STEAP1B: variants seen among roughly 807,000 people sequenced by gnomAD.
STEAP1B encodes STEAP family member 1B.
A neutral mutation model predicts 27.9 loss-of-function variants in STEAP1B; 13 were observed. The ratio of observed to expected loss-of-function variants is 0.47; its 90% CI spans 0.30 to 0.74. The LOEUF (loss-of-function observed/expected upper bound fraction) is 0.74. STEAP1B is among the 30% of genes least tolerant of loss of function. The probability of loss-of-function intolerance (pLI) is 0.06; values close to 1 mark genes in which losing one functional copy is unlikely to be tolerated. For missense variants in STEAP1B, 250 were observed against 298.7 expected (o/e 0.84, Z 1.20); for synonymous variants, 86 against 107.1 (o/e 0.80, Z 1.22).
chr7:22,445,591 G>A (rs150419896), intron 4 of STEAP1B, among the ~76,000 whole-genome samples: 2 of 152,250 alleles, frequency 1.3e-5, no homozygotes, highest in Non-Finnish European at 2.9e-5. Flanking sequence ...GGGTACATCC[G>A]AGCCTGGGCC....
chr7:22,486,228 G>A (rs550207189), intron 4 of STEAP1B, among the ~76,000 whole-genome samples: 1 of 152,284 alleles, frequency 6.6e-6, no homozygotes, highest in South Asian at 2.1e-4. Flanking sequence ...AAAGTCGCTT[G>A]CGTTCACAGA....
At chr7:22,498,489 G>T (rs6961413) in intron 1 of STEAP1B, among the ~76,000 whole-genome samples, 136,510 of 152,228 alleles carry the variant, frequency 0.9, 61,352 homozygotes, top group African/African-American at 0.96. Flanking sequence ...ACTTTGAGAG[G>T]TGCAGGATGG....
At chr7:22,473,717 A>G (rs2128411501) in intron 4 of STEAP1B, among the ~76,000 whole-genome samples, 1 of 152,216 alleles carries the variant, frequency 6.6e-6, no homozygotes, top group East Asian at 1.9e-4. Context: ...TCCATAGATG[A>G]TTGTGAAGTT....
intron 4 of STEAP1B, chr7:22,438,504 G>A: frequency 6.5e-7 from 1 of 1,550,210 alleles, no homozygotes; most frequent in Non-Finnish European, 8.7e-7. Context: ...TCTGAAAGAT[G>A]ATCAGCAATA....
At chr7:22,436,461 T>C (rs1445293784) in intron 4 of STEAP1B, among the ~76,000 whole-genome samples, 2 of 152,208 alleles carry the variant, frequency 1.3e-5, no homozygotes, top group East Asian at 1.9e-4. Context: ...GTTTGTCATA[T>C]AGGTAAACTT....
chr7:22,439,201 CAGA>C (rs1268305533), intron 4 of STEAP1B, among the ~76,000 whole-genome samples: 2 of 152,214 alleles, frequency 1.3e-5, no homozygotes, highest in Admixed American at 6.5e-5. Flanking sequence ...TGTGCAGCTG[CAGA>C]AGGTGTGTTT....
chr7:22,459,613 A>G (rs79415257), intron 4 of STEAP1B, among the ~76,000 whole-genome samples: 5,419 of 152,330 alleles, frequency 0.036, 319 homozygotes, highest in African/African-American at 0.12. Flanking sequence ...TGTTTATGAC[A>G]GTTTCCATAT....
intron 4 of STEAP1B, among the ~76,000 whole-genome samples, chr7:22,489,636 C>A (rs1392245326): frequency 1.3e-5 from 2 of 152,178 alleles, no homozygotes; most frequent in African/African-American, 4.8e-5. Flanking sequence ...AAGGCAGAGA[C>A]TGGGGCTGCA....
chr7:22,474,585 A>G (rs1053334307), intron 4 of STEAP1B, among the ~76,000 whole-genome samples: 1 of 152,202 alleles, frequency 6.6e-6, no homozygotes, highest in Admixed American at 6.5e-5. Context: ...CTGATGTTGC[A>G]CTGCCCTGGT....
intron 4 of STEAP1B, among the ~76,000 whole-genome samples, chr7:22,465,516 G>A (rs1583644572): frequency 6.6e-6 from 1 of 152,248 alleles, no homozygotes; most frequent in East Asian, 1.9e-4. Flanking sequence ...TTCTTCTGTT[G>A]TGTAGATTTC....
chr7:22,462,953 G>A (rs764959732), intron 4 of STEAP1B, among the ~76,000 whole-genome samples: 40 of 152,252 alleles, frequency 2.6e-4, no homozygotes, highest in Non-Finnish European at 4.7e-4. Flanking sequence ...ATCTCATTGC[G>A]GTTTTGATTT....
intron 4 of STEAP1B, among the ~76,000 whole-genome samples, chr7:22,447,865 C>G (rs111894765): frequency 6.6e-6 from 1 of 152,208 alleles, no homozygotes; most frequent in African/African-American, 2.4e-5. Context: ...ACATGCATGA[C>G]CTCATCTAAG....
chr7:22,421,030 T>C (rs1398374055), intron 4 of STEAP1B, among the ~76,000 whole-genome samples: 1 of 152,222 alleles, frequency 6.6e-6, no homozygotes. Flanking sequence ...TAAGAAAGTT[T>C]AAATTAATTA....
chr7:22,432,605 C>T (rs1269376691), intron 4 of STEAP1B, among the ~76,000 whole-genome samples: 3 of 152,000 alleles, frequency 2.0e-5, no homozygotes, highest in African/African-American at 7.2e-5. Context: ...TGTTTACAGG[C>T]TACCCAGTTT....
chr7:22,447,923 G>A (rs1785431851), intron 4 of STEAP1B, among the ~76,000 whole-genome samples: 1 of 152,220 alleles, frequency 6.6e-6, no homozygotes, highest in Non-Finnish European at 1.5e-5. Context: ...GAGCAATTGA[G>A]ATGCAAAGAC....
intron 4 of STEAP1B, 150 bp downstream of exon 4, chr7:22,492,415 A>T: frequency 8.6e-7 from 1 of 1,166,720 alleles, no homozygotes; most frequent in Non-Finnish European, 1.1e-6. Flanking sequence ...TAGGGAAAAC[A>T]ACAGGAGAGC....
rs116762086 is a variant in STEAP1B at position 22,425,431 on chromosome 7, T to C, written c.763-5595A>G. On this transcript the variant is annotated intron_variant, in intron 4 of 4. Coordinates refer to ENST00000678116, the MANE Select transcript of STEAP1B (RefSeq NM_001382447.1). ...TGCTACCATATATCAAAAGCAACCCTGCAATTAAGTCAATTCAGGCCCAAA... is the reference window on the plus strand; with the variant it reads ...TGCTACCATATATCAAAAGCAACCCCGCAATTAAGTCAATTCAGGCCCAAA... Among the ~76,000 whole-genome samples the C allele has an allele frequency of 4.0e-3, 606 of 152,278 alleles. 1 individual carries two copies. The highest frequency in any genetic ancestry group is 0.014 in the African/African-American group (587 of 41,540).
chr7:22,437,295 TTC>T (rs1369812106), intron 4 of STEAP1B, among the ~76,000 whole-genome samples: 6 of 152,208 alleles, frequency 3.9e-5, no homozygotes, highest in African/African-American at 1.4e-4. Flanking sequence ...CACCATTCTA[TTC>T]TCTGTTTCTA....
At chr7:22,454,845 A>G (rs865901100) in intron 4 of STEAP1B, among the ~76,000 whole-genome samples, 34 of 93,078 alleles carry the variant, frequency 3.7e-4, no homozygotes, top group Middle Eastern at 6.7e-3. Context: ...ATATATATAT[A>G]TATGTATATA....
Sources: gnomAD v4.1 joint callset for allele counts (sites outside exome capture counted in the v4.1 genomes callset) on GRCh38, gnomAD v4.1.1 for gene constraint, MANE v1.5 for transcripts, NCBI Gene and HGNC (gene_info 2026-07-23, HGNC 2026-07-21) for gene names.